OGFRL1: variants seen among roughly 807,000 people sequenced by gnomAD.
OGFRL1 encodes opioid growth factor receptor like 1.
A neutral mutation model predicts 32.4 loss-of-function variants in OGFRL1; 26 were observed. The observed-to-expected ratio is 0.80, with a 90% CI of 0.59 to 1.11. The LOEUF is 1.11. Ranked by LOEUF, OGFRL1 falls within the 50% of genes most tolerant of loss-of-function variation. The pLI is 0.00. For synonymous variants in OGFRL1, 211 were observed against 201.2 expected, an observed-to-expected ratio of 1.05 and a Z score of -0.41; for missense variants, 521 against 546.4, an observed-to-expected ratio of 0.95 and a Z score of 0.46.
chr6:71,297,536 TAACTAATTATAGTTACATTTA>T (rs1766248921), intron 6 of OGFRL1, among the ~76,000 whole-genome samples: 2 of 151,470 alleles, frequency 1.3e-5, no homozygotes, highest in South Asian at 4.1e-4. Flanking sequence ...AGTTAAATTT[TAACTAATTATAGTTACATTTA>T]AACTAATCAT....
chr6:71,293,014 T>C (rs1159165672), intron 1 of OGFRL1, among the ~76,000 whole-genome samples: 2 of 152,224 alleles, frequency 1.3e-5, no homozygotes, highest in Admixed American at 1.3e-4. Context: ...TGGATATTGA[T>C]CCATAACATT....
At chr6:71,297,544 T>C (rs1766249111) in intron 6 of OGFRL1, among the ~76,000 whole-genome samples, 1 of 152,052 alleles carries the variant, frequency 6.6e-6, no homozygotes, top group Non-Finnish European at 1.5e-5. Context: ...TTTAACTAAT[T>C]ATAGTTACAT....
In OGFRL1 at chr6:71,296,825, A is replaced by G; in HGVS notation, c.692+8A>G. 3.7e-6 allele frequency: 6 copies of G among 1,610,262 alleles called. No individual in the cohort carries two copies. Among genetic ancestry groups the G allele is most frequent in the South Asian group, 3.3e-5 (3 of 90,646 alleles). Reference sequence around the variant, plus strand: ...ATTTCAGCATCTGAATGAGTAAGTAAAGCCCCTGTGATAAATCAGGGGCCA... The same window carrying G: ...ATTTCAGCATCTGAATGAGTAAGTAGAGCCCCTGTGATAAATCAGGGGCCA... On this transcript the variant is annotated splice_region_variant and intron_variant, in intron 6 of 6. Coordinates refer to ENST00000370435, the MANE Select transcript of OGFRL1 (RefSeq NM_024576.5).
intron 3 of OGFRL1, chr6:71,295,035 T>C (rs1377181134): frequency 6.6e-6 from 1 of 152,176 alleles, no homozygotes; most frequent in African/African-American, 2.4e-5. Flanking sequence ...ATCTTATGAT[T>C]GGTGGGGGTC....
Position 71,301,700 on chromosome 6 carries a change from A to G in OGFRL1, c.1007A>G (p.His336Arg), listed in dbSNP as rs765983077. 1.1e-5 allele frequency: 18 copies of G among 1,614,028 alleles called. No homozygotes were observed. Among genetic ancestry groups the G allele is most frequent in the Non-Finnish European group, 1.4e-5 (16 of 1,180,020 alleles). The change falls in exon 7 of 7, where the codon CAT becomes CGT. Residue 336 changes from histidine (H) to arginine (R), a missense_variant. His to Arg is a conservative substitution (Grantham distance 29). Coordinates refer to ENST00000370435, the MANE Select transcript of OGFRL1 (RefSeq NM_024576.5). ...ATGTCTTCCCCTCTCGCCTCCAGTC[A>G]TAACAGTCAAACTTCTATGCACAAA... Reference protein sequence around the residue: ...QKMSSPLASSHNSQTSMHKKA... With the variant: ...QKMSSPLASSRNSQTSMHKKA...
At chr6:71,296,902 A>G (rs1766229639) in intron 6 of OGFRL1, 85 bp downstream of exon 6, 1 of 1,453,866 alleles carries the variant, frequency 6.9e-7, no homozygotes, top group Non-Finnish European at 9.3e-7. Context: ...AGGAACAACT[A>G]GCAGATGAGA....
Position 71,306,197 on chromosome 6 carries a change from A to C in OGFRL1, c.*4148A>C, listed in dbSNP as rs1766546747. ...TAGACACACTAGAATCATTAAATGTAGGTGAAGTTGTAGAGAAAAATGGCC... is the reference window on the plus strand; with the variant it reads ...TAGACACACTAGAATCATTAAATGTCGGTGAAGTTGTAGAGAAAAATGGCC... On this transcript the variant is annotated 3_prime_UTR_variant, in exon 7 of 7. Coordinates refer to ENST00000370435, the MANE Select transcript of OGFRL1 (RefSeq NM_024576.5). 1 of 152,192 alleles carries C rather than the reference A, an allele frequency of 6.6e-6. No homozygotes were observed. The highest frequency in any genetic ancestry group is 2.1e-4 in the South Asian group (1 of 4,832). The allele number at this position is 152,192 out of a possible 1,614,324, so 9.4% of individuals were successfully genotyped here.
At position 71,307,419 on chromosome 6, in the gene OGFRL1, CTG is replaced by C. The variant is rs1320176715; in HGVS notation, c.*5373_*5374del. On this transcript the variant is annotated 3_prime_UTR_variant, in exon 7 of 7. Transcript: ENST00000370435. ...ATTTATTTTGTAGTTGTTTAGAAAACTGTGAGCAGTTGGGCATTAGTAAATTG... is the reference window on the plus strand; with the variant it reads ...ATTTATTTTGTAGTTGTTTAGAAAACTGAGCAGTTGGGCATTAGTAAATTG... The C allele has an allele frequency of 6.6e-6, 1 of 152,140 alleles. No homozygotes were observed. The highest frequency in any genetic ancestry group is 6.6e-5 in the Admixed American group (1 of 15,262). 9.4% of individuals were successfully genotyped at this position (152,140 alleles called of 1,614,324 possible). A position where few individuals can be genotyped will look rare whatever the true frequency, so the allele number is the denominator to read the frequency against.
Position 71,296,751 on chromosome 6 carries a change from T to C in OGFRL1, c.626T>C (p.Leu209Pro). ...KMMLEFFGIKLTDKTGNVARA... is the reference protein window; with the variant it reads ...KMMLEFFGIKPTDKTGNVARA... The stretch of plus-strand genomic sequence containing the variant: ...ATGCTAGAATTTTTTGGAATAAAAC[T>C]GACTGATAAAACTGGAAATGTTGCT... Residue 209 changes from leucine to proline, a missense_variant, in exon 6 of 7, where the codon CTG becomes CCG. By Grantham distance (98) the Leu-to-Pro change is moderately conservative. Coordinates refer to ENST00000370435, the MANE Select transcript of OGFRL1 (RefSeq NM_024576.5). 1 of 1,613,684 alleles carries C rather than the reference T, an allele frequency of 6.2e-7. No homozygotes were observed. The highest frequency in any genetic ancestry group is 8.5e-7 in the Non-Finnish European group (1 of 1,179,722).
At position 71,296,335 on chromosome 6, in the gene OGFRL1, T is replaced by G. The variant is rs775527874; in HGVS notation, c.419T>G (p.Val140Gly). 1.9e-6 allele frequency: 3 copies of G among 1,607,434 alleles called. No individual in the cohort carries two copies. The change falls in exon 4 of 7, where the codon GTT becomes GGT. Residue 140 changes from valine (V) to glycine (G), a missense_variant. Coordinates refer to ENST00000370435, the MANE Select transcript of OGFRL1 (RefSeq NM_024576.5). The stretch of plus-strand genomic sequence containing the variant: ...TATTTAGGTGTTTACATTGAAGAAG[T>G]TCTAAGTAAATGGAAAGGAGATTAT... ...FKPDGVYIEE[V>G]LSKWKGDYEK... is the part of the protein sequence containing the mutation.
chr6:71,295,893 A>G (rs112276280), intron 3 of OGFRL1: 2,435 of 154,538 alleles, frequency 0.016, 26 homozygotes, highest in Middle Eastern at 0.024. Context: ...CAAACTTTCT[A>G]TACAGGGGCA....
At chr6:71,294,332 G>C (rs2149352963) in intron 3 of OGFRL1, among the ~76,000 whole-genome samples, 1 of 152,326 alleles carries the variant, frequency 6.6e-6, no homozygotes, top group African/African-American at 2.4e-5. Context: ...CCCTAGGAAA[G>C]CTGGCTTCTC....
At chr6:71,291,706 A>T (rs1766057296) in intron 1 of OGFRL1, 1 of 152,198 alleles carries the variant, frequency 6.6e-6, no homozygotes, top group Non-Finnish European at 1.5e-5. Context: ...GTAGGGCTTG[A>T]GTCATTATCT....
In OGFRL1 at chr6:71,289,305, C is replaced by T. The variant is rs1041401934; in HGVS notation, c.234+135C>T. 7.9e-5 allele frequency: 80 copies of T among 1,010,264 alleles called. No individual in the cohort carries two copies. The African/African-American group carries it at 1.4e-3, about 17-fold the overall frequency. The allele number at this position is 1,010,264 out of a possible 1,614,324, so 62.6% of individuals were successfully genotyped here. A position where few individuals can be genotyped will look rare whatever the true frequency, so the allele number is the denominator to read the frequency against. On this transcript the variant is annotated intron_variant, in intron 1 of 6. Transcript: ENST00000370435. ...TCGCCGCTGCGACCCGACCCCTCCG[C>T]GCCGCGGCTGACCTGTCTCCCGGTG...
chr6:71,299,323 A>G (rs1158427628), intron 6 of OGFRL1, among the ~76,000 whole-genome samples: 1 of 152,158 alleles, frequency 6.6e-6, no homozygotes, highest in Non-Finnish European at 1.5e-5. Flanking sequence ...TCTCTTCTAT[A>G]CCATTTAGTC....
chr6:71,289,537 T>G (rs1765975165), intron 1 of OGFRL1: 1 of 935,806 alleles, frequency 1.1e-6, no homozygotes, highest in African/African-American at 2.2e-5. Context: ...CCCTCTAGTG[T>G]GTGTTATTGG....
intron 6 of OGFRL1, among the ~76,000 whole-genome samples, chr6:71,298,926 A>G (rs73749858): frequency 1.6e-3 from 244 of 152,318 alleles, no homozygotes; most frequent in African/African-American, 5.4e-3. Context: ...AGGGAACTCA[A>G]TATATTTATA....
chr6:71,289,548 TAAAAAAAAAAAAAAAAAAAA>T (rs1158690810), intron 1 of OGFRL1: 2 of 541,876 alleles, frequency 3.7e-6, no homozygotes, highest in African/African-American at 9.6e-5. Flanking sequence ...GTGTTATTGG[TAAAAAAAAAAAAAAAAAAAA>T]AAAAAAAAAA....
At chr6:71,294,322 C>A (rs1766139203) in intron 3 of OGFRL1, among the ~76,000 whole-genome samples, 1 of 152,064 alleles carries the variant, frequency 6.6e-6, no homozygotes, top group Non-Finnish European at 1.5e-5. Flanking sequence ...ATCCAGGTCA[C>A]CCTAGGAAAG....
Sources: gnomAD v4.1 joint callset for allele counts (sites outside exome capture counted in the v4.1 genomes callset) on GRCh38, gnomAD v4.1.1 for gene constraint, MANE v1.5 for transcripts, NCBI Gene and HGNC (gene_info 2026-07-23, HGNC 2026-07-21) for gene names.